The following TCF12 variants were observed in gnomAD, a reference collection of about 807,000 sequenced individuals.
TCF12 encodes the protein transcription factor 12.
TCF12 carries 45 observed loss-of-function variants against 86.0 expected under a neutral mutation model. That is an observed-to-expected ratio of 0.52 (90% CI 0.41 to 0.67). The LOEUF is 0.67. Among genes scored for constraint, TCF12 ranks in the 30% least tolerant of loss-of-function variants. The pLI is 0.00. For missense variants in TCF12, 881 were observed against 859.9 expected (o/e 1.02, Z -0.31); for synonymous variants, 330 against 299.6 (o/e 1.10, Z -1.05).
chr15:57,139,729 G>A (rs1001458665), intron 5 of TCF12, among the ~76,000 whole-genome samples: 3 of 151,896 alleles, frequency 2.0e-5, no homozygotes, highest in African/African-American at 4.8e-5. Flanking sequence ...CTAATGTTTA[G>A]GGGCTAGGAA....
At chr15:56,919,421 G>C (rs1159401358) in intron 1 of TCF12, 1 of 152,590 alleles carries the variant, frequency 6.6e-6, no homozygotes, top group Non-Finnish European at 1.5e-5. Context: ...GGGCCTGCGA[G>C]CGGCGCGTTC....
intron 3 of TCF12, among the ~76,000 whole-genome samples, chr15:56,980,406 G>A (rs2062835146): frequency 6.6e-6 from 1 of 152,078 alleles, no homozygotes; most frequent in African/African-American, 2.4e-5. Context: ...GTCCTCTGCC[G>A]TGTAAGAATC....
intron 5 of TCF12, among the ~76,000 whole-genome samples, chr15:57,107,855 C>T (rs1454143704): frequency 6.6e-6 from 1 of 152,122 alleles, no homozygotes; most frequent in Admixed American, 6.6e-5. Flanking sequence ...CCGCAGTGAG[C>T]GATGATTATG....
At chr15:57,072,779 C>A in intron 4 of TCF12, 1 of 1,103,200 alleles carries the variant, frequency 9.1e-7, no homozygotes, top group Admixed American at 3.3e-5. Context: ...GTAACTGCTC[C>A]TTCTGAATGT....
chr15:57,170,885 T>C (rs1343040292), intron 6 of TCF12, among the ~76,000 whole-genome samples: 2 of 138,392 alleles, frequency 1.4e-5, no homozygotes, highest in African/African-American at 5.7e-5. Context: ...CAAGCAATTT[T>C]CCTGCCTCAT....
In TCF12 at chr15:57,282,541, C is replaced by G. The variant is rs748959345; in HGVS notation, c.2075C>G (p.Thr692Ser). 2 of 1,614,222 alleles carry G rather than the reference C, an allele frequency of 1.2e-6. No individual in the cohort carries two copies. The highest frequency in any genetic ancestry group is 1.1e-5 in the South Asian group (1 of 91,086). The stretch of plus-strand genomic sequence containing the variant: ...GAGCCGCCAACCACACTGCCAGGAA[C>G]CCATCCTGGGCTTAGTGAAACTACC... ...SAEPPTTLPG[T>S]HPGLSETTNP... is the part of the protein sequence containing the mutation. The change falls in exon 20 of 21, where the codon ACC becomes AGC. Residue 692 changes from threonine (T) to serine (S), a missense_variant. Coordinates refer to ENST00000333725, the MANE Select transcript of TCF12 (RefSeq NM_207037.2).
intron 5 of TCF12, among the ~76,000 whole-genome samples, chr15:57,092,177 G>T (rs2049032846): frequency 6.6e-6 from 1 of 152,104 alleles, no homozygotes; most frequent in Non-Finnish European, 1.5e-5. Context: ...CATGTTTTCT[G>T]GGGCAGAGAA....
chr15:57,002,604 G>T (rs544283903), intron 3 of TCF12, among the ~76,000 whole-genome samples: 1 of 152,160 alleles, frequency 6.6e-6, no homozygotes, highest in South Asian at 2.1e-4. Context: ...GGTCAAGCAT[G>T]TCATTTCTAG....
intron 5 of TCF12, among the ~76,000 whole-genome samples, chr15:57,136,719 A>G (rs1160876738): frequency 1.3e-5 from 2 of 152,164 alleles, no homozygotes; most frequent in African/African-American, 4.8e-5. Flanking sequence ...TCTGTCACCC[A>G]GGCTGGAGTG....
At chr15:57,189,393 C>A (rs894391770) in intron 6 of TCF12, among the ~76,000 whole-genome samples, 1 of 152,110 alleles carries the variant, frequency 6.6e-6, no homozygotes, top group Non-Finnish European at 1.5e-5. Flanking sequence ...AATTCAACAA[C>A]AAGAAGATAA....
chr15:57,082,420 A>G (rs1408077856), intron 4 of TCF12, among the ~76,000 whole-genome samples: 2 of 152,198 alleles, frequency 1.3e-5, no homozygotes, highest in Non-Finnish European at 2.9e-5. Context: ...AACTTTATAG[A>G]AACTTAAGAT....
intron 3 of TCF12, among the ~76,000 whole-genome samples, chr15:56,945,758 T>TTGG (rs771921358): frequency 3.3e-5 from 5 of 152,202 alleles, no homozygotes; most frequent in Non-Finnish European, 7.3e-5. Flanking sequence ...TGTAATGGTG[T>TTGG]TAATAGGTAT....
In TCF12 at chr15:57,251,037, G is replaced by A. The variant is rs115868949; in HGVS notation, c.1115-313G>A. On this transcript the variant is annotated intron_variant, in intron 13 of 20. Transcript: ENST00000333725. Reference sequence around the variant, plus strand: ...AAGGGGGACAGAATTTTAAAAGTGTGTACGTTATAAGTGCATTTTCTCAAG... The same window carrying A: ...AAGGGGGACAGAATTTTAAAAGTGTATACGTTATAAGTGCATTTTCTCAAG... 5.5e-3 allele frequency: 1,263 copies of A among 229,426 alleles called. 19 individuals carry two copies. Among genetic ancestry groups the A allele is most frequent in the African/African-American group, 0.027 (1,184 of 43,934 alleles). The allele number at this position is 229,426 out of a possible 1,614,324, so 14.2% of individuals were successfully genotyped here.
At chr15:57,127,976 G>A (rs540477582) in intron 5 of TCF12, among the ~76,000 whole-genome samples, 1 of 152,264 alleles carries the variant, frequency 6.6e-6, no homozygotes, top group Non-Finnish European at 1.5e-5. Flanking sequence ...TCATTTAACA[G>A]TAATGTTCTT....
intron 12 of TCF12, 124 bp from the exon 13 acceptor site, chr15:57,243,348 A>G: frequency 1.4e-6 from 1 of 733,346 alleles, no homozygotes. Flanking sequence ...ACTTGACAAG[A>G]AATTTTTTCA....
At chr15:56,947,712 T>C (rs1236398777) in intron 3 of TCF12, among the ~76,000 whole-genome samples, 3 of 152,220 alleles carry the variant, frequency 2.0e-5, no homozygotes, top group African/African-American at 7.2e-5. Flanking sequence ...AGAAATTCTC[T>C]TTCCTTTTAG....
intron 8 of TCF12, among the ~76,000 whole-genome samples, chr15:57,207,314 A>C (rs1416153840): frequency 1.3e-5 from 2 of 152,172 alleles, no homozygotes; most frequent in East Asian, 1.9e-4. Flanking sequence ...TATGAATCTA[A>C]GTAAATTTTA....
chr15:56,991,868 A>G (rs2063476588), intron 3 of TCF12, among the ~76,000 whole-genome samples: 1 of 152,154 alleles, frequency 6.6e-6, no homozygotes, highest in Non-Finnish European at 1.5e-5. Context: ...TTTAACCATC[A>G]GGGTATAGAA....
At chr15:57,213,126 C>T (rs1187524146) in intron 8 of TCF12, among the ~76,000 whole-genome samples, 1 of 152,218 alleles carries the variant, frequency 6.6e-6, no homozygotes, top group African/African-American at 2.4e-5. Context: ...TGGTCAAGCA[C>T]TGCTTGTTTT....
Sources: allele counts gnomAD v4.1 joint callset (sites outside exome capture counted in the v4.1 genomes callset), GRCh38; gene constraint gnomAD v4.1.1; transcripts MANE v1.5; gene names NCBI Gene and HGNC (gene_info 2026-07-23, HGNC 2026-07-21).